Variants in STAU2 observed in about 807,000 individuals in gnomAD.
STAU2 encodes the protein double-stranded RNA-binding protein Staufen homolog 2.
A neutral mutation model predicts 65.9 loss-of-function variants in STAU2; 20 were observed. The ratio of observed to expected loss-of-function variants is 0.30; its 90% CI spans 0.21 to 0.44. The LOEUF (loss-of-function observed/expected upper bound fraction) is 0.44. STAU2 is among the 20% of genes least tolerant of loss of function. The probability of loss-of-function intolerance (pLI) is 1.00; values close to 1 mark genes in which losing one functional copy is unlikely to be tolerated. For missense variants in STAU2, 558 were observed against 683.9 expected (o/e 0.82, Z 2.05); for synonymous variants, 232 against 233.9 (o/e 0.99, Z 0.07).
chr8:73,560,141 C>T (rs147510148), intron 12 of STAU2, among the ~76,000 whole-genome samples: 5,242 of 142,028 alleles, frequency 0.037, 266 homozygotes, highest in Admixed American at 0.14. Flanking sequence ...AGTGCAGTGG[C>T]GCCATCTCGG....
At chr8:73,726,772 T>C (rs1486713669) in intron 3 of STAU2, among the ~76,000 whole-genome samples, 1 of 152,254 alleles carries the variant, frequency 6.6e-6, no homozygotes, top group Non-Finnish European at 1.5e-5. Context: ...TAGTAAGAAC[T>C]GTTTCTATAT....
chr8:73,467,386 G>C (rs575348351), intron 13 of STAU2, among the ~76,000 whole-genome samples: 53 of 152,270 alleles, frequency 3.5e-4, no homozygotes, highest in South Asian at 6.2e-4. Flanking sequence ...CAAAAAATTA[G>C]CCGGGCATGG....
chr8:73,610,294 T>C (rs1374639513), intron 9 of STAU2, among the ~76,000 whole-genome samples: 1 of 150,062 alleles, frequency 6.7e-6, no homozygotes, highest in African/African-American at 2.4e-5. Flanking sequence ...AAAACAACTC[T>C]GGGTGGCAAA....
intron 6 of STAU2, among the ~76,000 whole-genome samples, chr8:73,631,933 A>G (rs1814119956): frequency 6.6e-6 from 1 of 150,970 alleles, no homozygotes; most frequent in South Asian, 2.1e-4. Context: ...AACAGCCAAA[A>G]AGCTGAAGTT....
intron 13 of STAU2, among the ~76,000 whole-genome samples, chr8:73,547,053 C>T (rs1293881020): frequency 1.3e-5 from 2 of 152,112 alleles, no homozygotes; most frequent in South Asian, 2.1e-4. Context: ...GGAAAGGACA[C>T]GAAATGATAA....
At chr8:73,530,718 C>T (rs530940863) in intron 13 of STAU2, among the ~76,000 whole-genome samples, 1 of 152,130 alleles carries the variant, frequency 6.6e-6, no homozygotes, top group South Asian at 2.1e-4. Flanking sequence ...TGAAGGAGTC[C>T]TAGGTAGGTA....
rs753732890 is a variant in STAU2, at chr8:73,740,615, CT to C, written c.-196-748del. Among the ~76,000 whole-genome samples, 7 of 151,240 alleles carry C rather than the reference CT, an allele frequency of 4.6e-5. No homozygotes were observed. In the East Asian group the frequency reaches 5.8e-4, roughly 13 times the overall value. ...TTAAAATACAAACACAACCAATCATCTTTTTTTTTAACTGAAAACAGTTCAT... is the reference window on the plus strand; with the variant it reads ...TTAAAATACAAACACAACCAATCATCTTTTTTTTAACTGAAAACAGTTCAT... On this transcript the variant is annotated intron_variant, in intron 1 of 14. Transcript: ENST00000524300.
At chr8:73,511,550 C>G (rs144066514) in intron 13 of STAU2, 450 of 152,862 alleles carry the variant, frequency 2.9e-3, no homozygotes, top group Non-Finnish European at 4.6e-3. Flanking sequence ...GGTTGATGCA[C>G]AACACCATGG....
chr8:73,616,929 T>C lies in STAU2; in HGVS notation c.570+363A>G, dbSNP rs546680774. On this transcript the variant is annotated intron_variant, in intron 7 of 14. Transcript: ENST00000524300. ...TTACTTAAGAACAGCCTCAATGTCA[T>C]TTGTAAAACAAAAGAGGACTGAAAA... is the stretch of plus-strand genomic sequence containing the variant. Among the ~76,000 whole-genome samples, 3 of 152,338 alleles carry C rather than the reference T, an allele frequency of 2.0e-5. No homozygotes were observed. In the South Asian group the frequency reaches 6.2e-4, roughly 32 times the overall value.
At position 73,443,098 on chromosome 8, in the gene STAU2, A is replaced by G. The variant is rs145773868; in HGVS notation, c.1531-20396T>C. ...ATTCTTTAGAAATGCCTGACATTCAATTGGATAGAATTATATATTGAAATA... is the reference window on the plus strand; with the variant it reads ...ATTCTTTAGAAATGCCTGACATTCAGTTGGATAGAATTATATATTGAAATA... On this transcript the variant is annotated intron_variant, in intron 13 of 14. Transcript: ENST00000524300. Among the ~76,000 whole-genome samples, 67 of 152,300 alleles carry G rather than the reference A, an allele frequency of 4.4e-4. 1 individual carries two copies. The East Asian group carries it at 0.012, about 27-fold the overall frequency.
At chr8:73,685,267 C>T (rs947888160) in intron 5 of STAU2, among the ~76,000 whole-genome samples, 8 of 152,022 alleles carry the variant, frequency 5.3e-5, no homozygotes, top group African/African-American at 1.9e-4. Flanking sequence ...TTCTTTATAG[C>T]AGTGTGAGAA....
intron 6 of STAU2, among the ~76,000 whole-genome samples, chr8:73,647,275 CATAG>C (rs917877737): frequency 1.3e-5 from 2 of 152,170 alleles, no homozygotes; most frequent in African/African-American, 4.8e-5. Context: ...AAAACCCATA[CATAG>C]ATATTCACAG....
At chr8:73,486,687 T>C (rs893279315) in intron 13 of STAU2, among the ~76,000 whole-genome samples, 8 of 150,012 alleles carry the variant, frequency 5.3e-5, no homozygotes, top group East Asian at 3.9e-4. Context: ...AGGGTCTTGC[T>C]CTGTTACCCA....
chr8:73,446,312 A>G (rs985774973), intron 13 of STAU2, among the ~76,000 whole-genome samples: 1 of 152,234 alleles, frequency 6.6e-6, no homozygotes, highest in Non-Finnish European at 1.5e-5. Context: ...AGGGGAGAAT[A>G]GACAGCACGA....
At chr8:73,586,610 C>T (rs913635904) in intron 11 of STAU2, among the ~76,000 whole-genome samples, 1 of 62,824 alleles carries the variant, frequency 1.6e-5, no homozygotes, top group Non-Finnish European at 3.0e-5. Flanking sequence ...ACCACAGGAA[C>T]AGAAAGATAA....
chr8:73,621,505 T>G (rs570023186), intron 6 of STAU2, among the ~76,000 whole-genome samples: 1 of 152,340 alleles, frequency 6.6e-6, no homozygotes, highest in South Asian at 2.1e-4. Context: ...CAAATTAGTA[T>G]ATTTACCTAA....
intron 12 of STAU2, among the ~76,000 whole-genome samples, chr8:73,580,894 T>C (rs998203522): frequency 8.5e-5 from 13 of 152,360 alleles, no homozygotes; most frequent in Middle Eastern, 3.4e-3. Context: ...AGAACATTCT[T>C]ATTTCAAAGC....
intron 13 of STAU2, among the ~76,000 whole-genome samples, chr8:73,545,226 A>G (rs949763513): frequency 6.6e-6 from 1 of 152,198 alleles, no homozygotes; most frequent in African/African-American, 2.4e-5. Flanking sequence ...ACTGTTTTCC[A>G]GCAATGGTTC....
intron 13 of STAU2, among the ~76,000 whole-genome samples, chr8:73,524,283 G>A (rs1823222560): frequency 6.6e-6 from 1 of 152,118 alleles, no homozygotes; most frequent in Non-Finnish European, 1.5e-5. Context: ...GATGGTCTGA[G>A]CAACAAGGTA....
Sources: allele counts gnomAD v4.1 joint callset (sites outside exome capture counted in the v4.1 genomes callset), GRCh38; gene constraint gnomAD v4.1.1; transcripts MANE v1.5; gene names NCBI Gene and HGNC (gene_info 2026-07-23, HGNC 2026-07-21).